Variants in SLC12A2 observed in about 807,000 individuals in gnomAD.
SLC12A2 encodes solute carrier family 12 member 2, also known as Na-K-2Cl cotransporter 1.
SLC12A2 carries 67 observed loss-of-function variants against 136.3 expected under a neutral mutation model. The observed-to-expected ratio is 0.49, with a 90% CI of 0.40 to 0.60. The LOEUF (loss-of-function observed/expected upper bound fraction) is 0.60. SLC12A2 is among the 20% of genes least tolerant of loss of function. The pLI is 0.00. For synonymous variants in SLC12A2, 619 were observed against 562.9 expected (o/e 1.10, Z -1.41); for missense variants, 1,322 against 1,534.7 (o/e 0.86, Z 2.32).
In SLC12A2 at chr5:128,158,773, C is replaced by A. The variant is rs191048243; in HGVS notation, c.2475+609C>A. Among the ~76,000 whole-genome samples the A allele has an allele frequency of 9.9e-5, 15 of 152,080 alleles. No individual in the cohort carries two copies. The East Asian group carries it at 2.7e-3, about 27-fold the overall frequency. ...TTCTGCTTTGAGTTCTTTGAGAAGG[C>A]CAAACTGCTTTCCATAGTGGCTGAA... is the stretch of plus-strand genomic sequence containing the variant. On this transcript the variant is annotated intron_variant, in intron 16 of 26. Transcript: ENST00000262461.
intron 15 of SLC12A2, among the ~76,000 whole-genome samples, chr5:128,154,006 A>T (rs1762793362): frequency 6.6e-6 from 1 of 151,662 alleles, no homozygotes; most frequent in Non-Finnish European, 1.5e-5. Context: ...AAAAAGTTGT[A>T]TCCTAGAACT....
At chr5:128,130,801 A>T (rs941855076) in intron 4 of SLC12A2, among the ~76,000 whole-genome samples, 2 of 152,210 alleles carry the variant, frequency 1.3e-5, no homozygotes, top group African/African-American at 4.8e-5. Flanking sequence ...TTTAATCTAA[A>T]CTTTAAAAGA....
At chr5:128,105,520 A>G (rs1760900405) in intron 1 of SLC12A2, among the ~76,000 whole-genome samples, 1 of 152,220 alleles carries the variant, frequency 6.6e-6, no homozygotes, top group African/African-American at 2.4e-5. Flanking sequence ...GGATGTCTTA[A>G]TAAAACGATT....
chr5:128,135,026 T>C (rs928078610), intron 6 of SLC12A2, among the ~76,000 whole-genome samples: 1 of 152,144 alleles, frequency 6.6e-6, no homozygotes, highest in African/African-American at 2.4e-5. Flanking sequence ...AAATTGACTG[T>C]ATGAAAATAA....
Position 128,084,739 on chromosome 5 carries a change from C to G in SLC12A2, c.756+29C>G, listed in dbSNP as rs760991680. Reference sequence around the variant, plus strand: ...AGCTCGCCCAGCCCTCCCTTCTTCCCCAGCCCCTGGTGCATGCCGACCGCG... The same window carrying G: ...AGCTCGCCCAGCCCTCCCTTCTTCCGCAGCCCCTGGTGCATGCCGACCGCG... On this transcript the variant is annotated intron_variant, in intron 1 of 26. Coordinates refer to ENST00000262461, the MANE Select transcript of SLC12A2 (RefSeq NM_001046.3). The surrounding 1 kb of genome is among the most constrained non-coding windows in gnomAD (Gnocchi z 5.6). The G allele has an allele frequency of 1.3e-6, 2 of 1,529,468 alleles. No homozygotes were observed. The highest frequency in any genetic ancestry group is 4.8e-5 in the East Asian group (2 of 41,496). 94.7% of individuals were successfully genotyped at this position (1,529,468 alleles called of 1,614,324 possible).
At chr5:128,100,788 A>T (rs942411106) in intron 1 of SLC12A2, among the ~76,000 whole-genome samples, 2 of 152,158 alleles carry the variant, frequency 1.3e-5, no homozygotes, top group Non-Finnish European at 2.9e-5. Flanking sequence ...ACAGTTACTA[A>T]TTGATACTGG....
chr5:128,131,995 A>C (rs900090376), intron 5 of SLC12A2, among the ~76,000 whole-genome samples: 3 of 152,216 alleles, frequency 2.0e-5, no homozygotes, highest in African/African-American at 7.2e-5. Context: ...GCAAGAGTGA[A>C]ACTCTGTCTC....
chr5:128,086,156 A>G (rs936811904), intron 1 of SLC12A2, among the ~76,000 whole-genome samples: 1 of 152,198 alleles, frequency 6.6e-6, no homozygotes, highest in Non-Finnish European at 1.5e-5. Context: ...CAGTAAAGTG[A>G]TCTGTATTTA....
chr5:128,121,194 C>T (rs1259759284), intron 4 of SLC12A2, among the ~76,000 whole-genome samples: 1 of 152,024 alleles, frequency 6.6e-6, no homozygotes, highest in Non-Finnish European at 1.5e-5. Flanking sequence ...TAATAATGTC[C>T]AACTTTAAAG....
intron 17 of SLC12A2, among the ~76,000 whole-genome samples, chr5:128,166,343 C>T (rs879826536): frequency 1.3e-5 from 2 of 151,800 alleles, no homozygotes; most frequent in Non-Finnish European, 2.9e-5. Flanking sequence ...TTCTTAGATA[C>T]GACACCAAAA....
intron 1 of SLC12A2, among the ~76,000 whole-genome samples, chr5:128,111,397 A>G (rs1216815174): frequency 6.6e-6 from 1 of 152,194 alleles, no homozygotes. Flanking sequence ...GTTAAGGGAA[A>G]AGGGAATTTT....
intron 1 of SLC12A2, among the ~76,000 whole-genome samples, chr5:128,106,314 AT>A (rs1170978141): frequency 5.9e-5 from 9 of 152,178 alleles, no homozygotes; most frequent in African/African-American, 2.2e-4. Context: ...TATCAGCATA[AT>A]TTATAGTTCA....
chr5:128,178,606 A>T lies in SLC12A2; in HGVS notation c.3017A>T (p.Gln1006Leu). ...GPIVPLNVADQKLLEASTQFQ... is the reference protein window; with the variant it reads ...GPIVPLNVADLKLLEASTQFQ... ...ATTGTGCCTTTAAATGTAGCTGACCAAAAGCTTCTTGAAGCTAGTACACAG... is the reference window on the plus strand; with the variant it reads ...ATTGTGCCTTTAAATGTAGCTGACCTAAAGCTTCTTGAAGCTAGTACACAG... Residue 1006 changes from glutamine (Q) to leucine (L), a missense_variant, in exon 22 of 27, where the codon CAA (glutamine) becomes CTA (leucine). Physicochemically the swap from Gln to Leu is moderately radical, Grantham distance 113. Coordinates refer to ENST00000262461, the MANE Select transcript of SLC12A2 (RefSeq NM_001046.3). 1.2e-6 allele frequency: 2 copies of T among 1,600,650 alleles called. No individual in the cohort carries two copies. Among genetic ancestry groups the T allele is most frequent in the African/African-American group, 2.7e-5 (2 of 74,364 alleles).
chr5:128,170,671 T>G (rs1763344562), intron 18 of SLC12A2: 1 of 152,184 alleles, frequency 6.6e-6, no homozygotes, highest in South Asian at 2.1e-4. Context: ...GAATTTAAAA[T>G]TTTTTCAGTA....
chr5:128,095,677 T>G (rs1182138612), intron 1 of SLC12A2, among the ~76,000 whole-genome samples: 1 of 152,182 alleles, frequency 6.6e-6, no homozygotes, highest in Admixed American at 6.5e-5. Flanking sequence ...TATGAAATTT[T>G]TTTTGCAATT....
At chr5:128,174,264 G>GT (rs1763472997) in intron 19 of SLC12A2, among the ~76,000 whole-genome samples, 1 of 152,008 alleles carries the variant, frequency 6.6e-6, no homozygotes. Flanking sequence ...GAGCATCTCT[G>GT]ATCCAGAAAT....
intron 9 of SLC12A2, among the ~76,000 whole-genome samples, chr5:128,140,697 C>T (rs1762334785): frequency 6.6e-6 from 1 of 151,880 alleles, no homozygotes; most frequent in Admixed American, 6.6e-5. Flanking sequence ...GAAGTGGAAC[C>T]TTCCCCCCCC....
At chr5:128,125,108 A>G (rs1761736834) in intron 4 of SLC12A2, among the ~76,000 whole-genome samples, 1 of 152,212 alleles carries the variant, frequency 6.6e-6, no homozygotes, top group African/African-American at 2.4e-5. Flanking sequence ...TGGAATTGTG[A>G]TCGGGCTTTA....
At chr5:128,134,806 A>G (rs1762134162) in intron 6 of SLC12A2, among the ~76,000 whole-genome samples, 1 of 152,240 alleles carries the variant, frequency 6.6e-6, no homozygotes, top group South Asian at 2.1e-4. Context: ...AGAGCATCAT[A>G]GCACAGCTGT....
Sources: allele counts gnomAD v4.1 joint callset (sites outside exome capture counted in the v4.1 genomes callset), GRCh38; gene constraint gnomAD v4.1.1; non-coding constraint Gnocchi (gnomAD v3.1); transcripts MANE v1.5; gene names NCBI Gene and HGNC (gene_info 2026-07-23, HGNC 2026-07-21).